CCNC: variants seen among roughly 807,000 people sequenced by gnomAD.
CCNC encodes cyclin-C.
CCNC carries 19 observed loss-of-function variants against 50.0 expected under a neutral mutation model. The ratio of observed to expected loss-of-function variants is 0.38; its 90% CI spans 0.27 to 0.56. CCNC has a LOEUF of 0.56. CCNC is among the 20% of genes least tolerant of loss of function. CCNC has a pLI of 0.72. For missense variants in CCNC, 200 were observed against 327.1 expected, an observed-to-expected ratio of 0.61 and a Z score of 3.00; for synonymous variants, 93 against 103.7, an observed-to-expected ratio of 0.90 and a Z score of 0.63.
rs1251812434 is a variant in CCNC, at chr6:99,543,400, TAAAG to T, written c.*151_*154del. On this transcript the variant is annotated 3_prime_UTR_variant, in exon 12 of 12. Transcript: ENST00000520429. ...AATCAATTATGTACTAGAATCATAT[TAAAG>T]AAAAACTTATTTTGCAAAAATAAAA... 15 of 727,356 alleles carry T rather than the reference TAAAG, an allele frequency of 2.1e-5. No homozygotes were observed. The highest frequency in any genetic ancestry group is 2.7e-5 in the Non-Finnish European group (12 of 447,388). 45.1% of individuals were successfully genotyped at this position (727,356 alleles called of 1,614,324 possible). A position where few individuals can be genotyped will look rare whatever the true frequency, so the allele number is the denominator to read the frequency against.
At chr6:99,551,613 T>C (rs1802304726) in intron 6 of CCNC, among the ~76,000 whole-genome samples, 1 of 152,148 alleles carries the variant, frequency 6.6e-6, no homozygotes, top group Non-Finnish European at 1.5e-5. Context: ...CAGTATTATT[T>C]ACAAGTTCCC....
At chr6:99,557,084 ATTC>A (rs1385990640) in intron 5 of CCNC, among the ~76,000 whole-genome samples, 14 of 152,246 alleles carry the variant, frequency 9.2e-5, no homozygotes, top group African/African-American at 3.4e-4. Flanking sequence ...TGACTAAACT[ATTC>A]AGTGTTCTTA....
intron 3 of CCNC, 67 bp from the exon 4 acceptor site, chr6:99,561,503 T>C: frequency 7.3e-7 from 1 of 1,362,494 alleles, no homozygotes; most frequent in South Asian, 1.3e-5. Flanking sequence ...AAAATCAAGA[T>C]AACTCTATGG....
In CCNC at chr6:99,550,211, T is replaced by C. The variant is rs549676179; in HGVS notation, c.530+7A>G. 1.8e-5 allele frequency: 29 copies of C among 1,595,250 alleles called. No homozygotes were observed. In the African/African-American group the frequency reaches 3.9e-4, roughly 21 times the overall value. The stretch of plus-strand genomic sequence containing the variant: ...GTTACACTATTAATAACTTCTGTTC[T>C]AATTACCATGCAAGGGGAAGCAACA... On this transcript the variant is annotated splice_region_variant and intron_variant, in intron 8 of 11. Transcript: ENST00000520429.
intron 5 of CCNC, chr6:99,558,101 TAAC>T (rs1802616474): frequency 4.5e-6 from 1 of 222,728 alleles, no homozygotes; most frequent in Non-Finnish European, 8.7e-6. Context: ...TTGGTCCTCA[TAAC>T]AACCCAACAA....
intron 7 of CCNC, chr6:99,550,758 T>C (rs1447610074): frequency 7.7e-6 from 2 of 259,014 alleles, no homozygotes; most frequent in African/African-American, 2.2e-5. Flanking sequence ...CCTTTCATTA[T>C]AGTTACTTAC....
Position 99,550,222 on chromosome 6 carries a change from C to G in CCNC, c.526G>C (p.Ala176Pro). ...AATAACTTCTGTTCTAATTACCATG[C>G]AAGGGGAAGCAACATGTCTTCTTGG... The part of the protein sequence containing the change: ...MGQEDMLLPL[A>P]WRIVNDTYRT... Residue 176 changes from alanine to proline, a missense_variant, in exon 8 of 12, where the codon GCA (alanine) becomes CCA (proline). By Grantham distance (27) the Ala-to-Pro change is conservative. Transcript: ENST00000520429. 1 of 1,608,096 alleles carries G rather than the reference C, an allele frequency of 6.2e-7. No individual in the cohort carries two copies. The highest frequency in any genetic ancestry group is 8.5e-7 in the Non-Finnish European group (1 of 1,175,318).
Position 99,543,548 on chromosome 6 carries a change from G to A in CCNC, c.*7C>T. The A allele has an allele frequency of 1.2e-6, 2 of 1,613,070 alleles. No homozygotes were observed. The highest frequency in any genetic ancestry group is 1.7e-6 in the Non-Finnish European group (2 of 1,179,374). On this transcript the variant is annotated 3_prime_UTR_variant, in exon 12 of 12. Coordinates refer to ENST00000520429, the MANE Select transcript of CCNC (RefSeq NM_005190.4). ...AAGTGGTCCACTATGGAATTCTTCG[G>A]AATGTTTTAAGATTGGCTGTAGCTA...
chr6:99,550,880 T>G, intron 7 of CCNC, 113 bp downstream of exon 7: 2 of 474,476 alleles, frequency 4.2e-6, no homozygotes, highest in Non-Finnish European at 7.1e-6. Flanking sequence ...CACCATCACA[T>G]ATTAGGTGGA....
rs541668073 is a variant in CCNC at position 99,562,749 on chromosome 6, T to C, written c.139+93A>G. 3 of 639,044 alleles carry C rather than the reference T, an allele frequency of 4.7e-6. No homozygotes were observed. In the East Asian group the frequency reaches 8.6e-5, roughly 18 times the overall value. The allele number at this position is 639,044 out of a possible 1,614,324, so 39.6% of individuals were successfully genotyped here. On this transcript the variant is annotated intron_variant, in intron 2 of 11. Coordinates refer to ENST00000520429, the MANE Select transcript of CCNC (RefSeq NM_005190.4). ...CCTGTATAAGCAAAAATGTTAGGTA[T>C]GCACTAAAACAGTTCACAAATTACC...
intron 5 of CCNC, among the ~76,000 whole-genome samples, chr6:99,553,365 C>T (rs575020614): frequency 1.2e-3 from 176 of 152,134 alleles, no homozygotes; most frequent in Non-Finnish European, 2.0e-3. Flanking sequence ...TCTACATCCC[C>T]ATCCCCTGGA....
intron 7 of CCNC, 65 bp from the exon 8 acceptor site, chr6:99,550,374 C>A: frequency 9.6e-7 from 1 of 1,045,596 alleles, no homozygotes; most frequent in Admixed American, 2.0e-5. Flanking sequence ...AAAATGTTAT[C>A]ATTACCCAAC....
At chr6:99,566,414 T>A (rs1030213801) in intron 1 of CCNC, among the ~76,000 whole-genome samples, 1 of 152,116 alleles carries the variant, frequency 6.6e-6, no homozygotes. Flanking sequence ...TATTATGATG[T>A]TATTTTCTAG....
Position 99,568,634 on chromosome 6 carries a change from G to A in CCNC, c.-107C>T, listed in dbSNP as rs925566545. The A allele has an allele frequency of 4.5e-6, 7 of 1,548,444 alleles. No homozygotes were observed. The highest frequency in any genetic ancestry group is 1.4e-5 in the African/African-American group (1 of 72,796). ...CCGCGCTCCTCGATCAAATCAGCTC[G>A]GCTCGACTCCGCTCCGCGGCGGCGA... On this transcript the variant is annotated 5_prime_UTR_variant, in exon 1 of 12. Coordinates refer to ENST00000520429, the MANE Select transcript of CCNC (RefSeq NM_005190.4).
intron 1 of CCNC, among the ~76,000 whole-genome samples, chr6:99,566,696 C>T (rs1251778668): frequency 3.3e-5 from 5 of 152,056 alleles, no homozygotes; most frequent in Non-Finnish European, 5.9e-5. Flanking sequence ...TCACAGAACT[C>T]TGTATGGAGA....
intron 1 of CCNC, among the ~76,000 whole-genome samples, chr6:99,567,403 A>C (rs1186943170): frequency 1.6e-5 from 2 of 125,594 alleles, no homozygotes; most frequent in African/African-American, 6.5e-5. Flanking sequence ...ACATATATAT[A>C]TACATACACA....
At chr6:99,558,357 TA>T in intron 5 of CCNC, 139 bp downstream of exon 5, 1 of 1,299,648 alleles carries the variant, frequency 7.7e-7, no homozygotes, top group Non-Finnish European at 1.0e-6. Flanking sequence ...CCAGATACAC[TA>T]GATATAAAGT....
At chr6:99,562,135 C>T (rs1452727846) in intron 2 of CCNC, 1 of 152,548 alleles carries the variant, frequency 6.6e-6, no homozygotes, top group Non-Finnish European at 1.5e-5. Flanking sequence ...TCTTGGCTCA[C>T]TGTAATCTCC....
At chr6:99,544,671 A>G (rs1320828483) in intron 11 of CCNC, among the ~76,000 whole-genome samples, 5 of 151,848 alleles carry the variant, frequency 3.3e-5, no homozygotes, top group African/African-American at 1.2e-4. Context: ...CTTTATCTTT[A>G]CAATATCAGA....
Sources: gnomAD v4.1 joint callset for allele counts (sites outside exome capture counted in the v4.1 genomes callset) on GRCh38, gnomAD v4.1.1 for gene constraint, MANE v1.5 for transcripts, NCBI Gene and HGNC (gene_info 2026-07-23, HGNC 2026-07-21) for gene names.